Variants in RIMS1 observed in about 807,000 individuals in gnomAD.
The protein encoded by RIMS1 is regulating synaptic membrane exocytosis 1, also known as regulating synaptic membrane exocytosis protein 1.
A neutral mutation model predicts 214.1 loss-of-function variants in RIMS1; 83 were observed. That is an observed-to-expected ratio of 0.39 (90% CI 0.32 to 0.47). The LOEUF is 0.47. RIMS1 is among the 20% of genes least tolerant of loss of function. The pLI is 0.99. For missense variants in RIMS1, 2,050 were observed against 2,161.8 expected, an observed-to-expected ratio of 0.95 and a Z score of 1.03; for synonymous variants, 793 against 786.8, an observed-to-expected ratio of 1.01 and a Z score of -0.13.
At chr6:72,137,831 G>A (rs1298600136) in intron 4 of RIMS1, among the ~76,000 whole-genome samples, 1 of 150,920 alleles carries the variant, frequency 6.6e-6, no homozygotes, top group African/African-American at 2.4e-5. Flanking sequence ...CCGCCTCCCG[G>A]GTTTACACCA....
chr6:72,291,302 T>C (rs908830698), intron 25 of RIMS1, among the ~76,000 whole-genome samples: 22 of 152,320 alleles, frequency 1.4e-4, no homozygotes, highest in Admixed American at 4.6e-4. Flanking sequence ...TGCCAACAGA[T>C]GGAAGTCCGC....
chr6:72,184,834 G>T (rs2048875623), intron 6 of RIMS1, among the ~76,000 whole-genome samples: 1 of 152,156 alleles, frequency 6.6e-6, no homozygotes, highest in South Asian at 2.1e-4. Flanking sequence ...TTTAAGGCAG[G>T]AAGGGTTAGG....
intron 27 of RIMS1, among the ~76,000 whole-genome samples, chr6:72,312,306 T>G (rs1404957059): frequency 1.3e-5 from 2 of 152,142 alleles, no homozygotes; most frequent in African/African-American, 2.4e-5. Flanking sequence ...ATATGTTATT[T>G]TGTTTTACAG....
intron 16 of RIMS1, among the ~76,000 whole-genome samples, chr6:72,255,846 C>G (rs866590704): frequency 3.6e-4 from 54 of 151,854 alleles, no homozygotes; most frequent in Middle Eastern, 6.8e-3. Context: ...GACCAGCCTG[C>G]CCAATGTGGT....
At chr6:72,265,596 C>A in intron 21 of RIMS1, 93 bp downstream of exon 21, 1 of 695,104 alleles carries the variant, frequency 1.4e-6, no homozygotes, top group East Asian at 2.8e-5. Flanking sequence ...CCTCTGATGT[C>A]CTTCATTTTG....
intron 1 of RIMS1, among the ~76,000 whole-genome samples, chr6:71,922,845 T>C (rs1258578547): frequency 6.6e-6 from 1 of 152,198 alleles, no homozygotes. Context: ...GGAAAAGTCA[T>C]CTTATTTTCT....
intron 29 of RIMS1, among the ~76,000 whole-genome samples, chr6:72,378,157 A>C (rs2098422814): frequency 6.6e-6 from 1 of 152,162 alleles, no homozygotes; most frequent in South Asian, 2.1e-4. Flanking sequence ...GGGCTTCTTT[A>C]GTGATAACTA....
At chr6:72,202,636 A>G (rs1189460487) in intron 6 of RIMS1, among the ~76,000 whole-genome samples, 1 of 152,194 alleles carries the variant, frequency 6.6e-6, no homozygotes. Flanking sequence ...AAAGAGACCA[A>G]GTCCTGTAGA....
chr6:72,167,888 T>A (rs191913991), intron 4 of RIMS1, among the ~76,000 whole-genome samples: 3 of 78,510 alleles, frequency 3.8e-5, no homozygotes, highest in Non-Finnish European at 7.4e-5. Context: ...GTCCATTGAT[T>A]TTTTTCTAGG....
intron 1 of RIMS1, among the ~76,000 whole-genome samples, chr6:71,958,294 G>T (rs943865926): frequency 1.3e-5 from 2 of 152,262 alleles, no homozygotes; most frequent in East Asian, 1.9e-4. Flanking sequence ...GGGTTTCCCA[G>T]TGAAGCTGTG....
At chr6:72,285,290 A>G (rs1277952979) in intron 24 of RIMS1, among the ~76,000 whole-genome samples, 1 of 152,226 alleles carries the variant, frequency 6.6e-6, no homozygotes, top group African/African-American at 2.4e-5. Flanking sequence ...CTAGGGGTAG[A>G]TGCAAGGCAT....
At chr6:72,248,224 A>G in intron 12 of RIMS1, 97 bp downstream of exon 12, 4 of 670,014 alleles carry the variant, frequency 6.0e-6, no homozygotes, top group East Asian at 2.6e-5. Flanking sequence ...AGCCTGCAAT[A>G]AATACATAGT....
chr6:72,368,292 A>ATTTTTTTTT (rs1168375463), intron 29 of RIMS1, among the ~76,000 whole-genome samples: 2 of 79,124 alleles, frequency 2.5e-5, no homozygotes, highest in Non-Finnish European at 5.0e-5. Context: ...GTGTTGTCTG[A>ATTTTTTTTT]TTTTTTTTTT....
chr6:72,053,519 A>G (rs1825292743), intron 2 of RIMS1, among the ~76,000 whole-genome samples: 1 of 152,184 alleles, frequency 6.6e-6, no homozygotes, highest in Non-Finnish European at 1.5e-5. Flanking sequence ...AGTAAAGATT[A>G]CACAGAATAC....
At chr6:72,193,061 T>C (rs575163034) in intron 6 of RIMS1, among the ~76,000 whole-genome samples, 1 of 152,364 alleles carries the variant, frequency 6.6e-6, no homozygotes, top group Admixed American at 6.5e-5. Flanking sequence ...TTATTGAATA[T>C]GTGTTATAAA....
chr6:72,278,400 T>C (rs1333317432), intron 23 of RIMS1, among the ~76,000 whole-genome samples: 1 of 152,096 alleles, frequency 6.6e-6, no homozygotes, highest in Non-Finnish European at 1.5e-5. Context: ...ACCTATTAGT[T>C]GGTAGCAGCT....
At chr6:72,219,204 AT>A (rs1415820759) in intron 6 of RIMS1, among the ~76,000 whole-genome samples, 1 of 152,202 alleles carries the variant, frequency 6.6e-6, no homozygotes, top group Non-Finnish European at 1.5e-5. Flanking sequence ...GGGAAGAAGC[AT>A]GTCAATTTAT....
At chr6:72,292,122 A>G in intron 26 of RIMS1, 76 bp downstream of exon 26, 1 of 883,352 alleles carries the variant, frequency 1.1e-6, no homozygotes, top group East Asian at 2.7e-5. Flanking sequence ...CTTTTATTAA[A>G]TGAATAGTAT....
intron 29 of RIMS1, among the ~76,000 whole-genome samples, chr6:72,351,200 A>G (rs1254435521): frequency 6.6e-6 from 1 of 152,098 alleles, no homozygotes; most frequent in Non-Finnish European, 1.5e-5. Flanking sequence ...GATGTAAAAA[A>G]AAAAAATGCC....
Sources: gnomAD v4.1 joint callset for allele counts (sites outside exome capture counted in the v4.1 genomes callset) on GRCh38, gnomAD v4.1.1 for gene constraint, MANE v1.5 for transcripts, NCBI Gene and HGNC (gene_info 2026-07-23, HGNC 2026-07-21) for gene names.